MDGA2: variants seen among roughly 807,000 people sequenced by gnomAD.
MDGA2 encodes MAM domain-containing glycosylphosphatidylinositol anchor protein 2.
A neutral mutation model predicts 117.8 loss-of-function variants in MDGA2; 40 were observed. That is an observed-to-expected ratio of 0.34 (90% confidence interval 0.26 to 0.44). The LOEUF (loss-of-function observed/expected upper bound fraction) is 0.44. MDGA2 is among the 20% of genes least tolerant of loss of function. The probability of loss-of-function intolerance (pLI) is 1.00; values close to 1 mark genes in which losing one functional copy is unlikely to be tolerated. For missense variants in MDGA2, 1,123 were observed against 1,250.6 expected (o/e 0.90, Z 1.54); for synonymous variants, 452 against 439.0 (o/e 1.03, Z -0.37).
intron 1 of MDGA2, among the ~76,000 whole-genome samples, chr14:47,505,702 T>C (rs914032025): frequency 1.3e-5 from 2 of 152,204 alleles, no homozygotes; most frequent in African/African-American, 4.8e-5. Context: ...CTGCCATTTC[T>C]TGCAACATTA....
chr14:47,642,377 G>A (rs963258833), intron 1 of MDGA2, among the ~76,000 whole-genome samples: 5 of 152,034 alleles, frequency 3.3e-5, no homozygotes, highest in Non-Finnish European at 7.4e-5. Context: ...TACATTTTAA[G>A]ACAATAAAGT....
intron 5 of MDGA2, among the ~76,000 whole-genome samples, chr14:47,114,632 C>G (rs1881223056): frequency 6.6e-6 from 1 of 152,112 alleles, no homozygotes; most frequent in South Asian, 2.1e-4. Flanking sequence ...CTACAACCAT[C>G]TGATCTTCGA....
chr14:47,364,859 T>A (rs1249839749), intron 1 of MDGA2, among the ~76,000 whole-genome samples: 1 of 152,198 alleles, frequency 6.6e-6, no homozygotes. Flanking sequence ...TTTTCCCCCA[T>A]AAACAACATG....
chr14:47,177,616 C>T (rs1340852619), intron 3 of MDGA2, among the ~76,000 whole-genome samples: 1 of 152,062 alleles, frequency 6.6e-6, no homozygotes, highest in East Asian at 1.9e-4. Flanking sequence ...CACATGGACA[C>T]AGGAAGGGGA....
At chr14:47,624,619 GTT>G (rs1272941146) in intron 1 of MDGA2, among the ~76,000 whole-genome samples, 1 of 151,946 alleles carries the variant, frequency 6.6e-6, no homozygotes, top group Non-Finnish European at 1.5e-5. Context: ...TATCTAATCA[GTT>G]TTTTTTAAGC....
At chr14:47,092,309 A>T (rs1317544622) in intron 6 of MDGA2, among the ~76,000 whole-genome samples, 1 of 152,168 alleles carries the variant, frequency 6.6e-6, no homozygotes, top group Non-Finnish European at 1.5e-5. Context: ...CATTTTTGTA[A>T]AACTAGATGA....
At chr14:46,845,968 A>T in intron 15 of MDGA2, 97 bp from the exon 16 acceptor site, 1 of 824,206 alleles carries the variant, frequency 1.2e-6, no homozygotes. Flanking sequence ...CTTGTCAGTA[A>T]TCCTGGCATC....
chr14:47,233,712 A>C (rs981708286), intron 2 of MDGA2, among the ~76,000 whole-genome samples: 3 of 152,176 alleles, frequency 2.0e-5, no homozygotes, highest in African/African-American at 2.4e-5. Flanking sequence ...TACAGTTTAT[A>C]AAAGAAACCA....
intron 5 of MDGA2, among the ~76,000 whole-genome samples, chr14:47,129,201 C>T (rs973715098): frequency 1.3e-5 from 2 of 151,720 alleles, no homozygotes; most frequent in Admixed American, 6.6e-5. Flanking sequence ...CCCACTAACT[C>T]GTCATCTAGC....
At chr14:47,081,986 A>C (rs879270088) in intron 6 of MDGA2, among the ~76,000 whole-genome samples, 7 of 152,098 alleles carry the variant, frequency 4.6e-5, no homozygotes, top group Non-Finnish European at 1.0e-4. Flanking sequence ...AAGCTCCTTT[A>C]ACTATAGATG....
At chr14:47,273,666 T>A (rs56097303) in intron 2 of MDGA2, among the ~76,000 whole-genome samples, 1 of 152,068 alleles carries the variant, frequency 6.6e-6, no homozygotes, top group African/African-American at 2.4e-5. Flanking sequence ...TTAAAATTTA[T>A]ATTTATTTTC....
At chr14:47,307,020 C>G (rs1014682779) in intron 1 of MDGA2, among the ~76,000 whole-genome samples, 1 of 152,132 alleles carries the variant, frequency 6.6e-6, no homozygotes, top group Non-Finnish European at 1.5e-5. Context: ...TTCTTCCCAG[C>G]TTTCTATTGA....
At position 47,218,107 on chromosome 14, in the gene MDGA2, T is replaced by C; in HGVS notation, c.509A>G (p.Gln170Arg). The C allele has an allele frequency of 6.4e-7, 1 of 1,551,436 alleles. No homozygotes were observed. Among genetic ancestry groups the C allele is most frequent in the South Asian group, 1.2e-5 (1 of 84,050 alleles). The change falls in exon 3 of 17, where the codon CAG (glutamine) becomes CGG (arginine). Residue 170 changes from glutamine (Q) to arginine (R), a missense_variant. Coordinates refer to ENST00000399232, the MANE Select transcript of MDGA2 (RefSeq NM_001113498.3). ...FNETLRITNI[Q>R]RHQGGRYYCK... Reference sequence around the variant, plus strand: ...GTAATACCGGCCTCCTTGGTGTCGCTGAATATTTGTAATCCTCAAAGTCTC... The same window carrying C: ...GTAATACCGGCCTCCTTGGTGTCGCCGAATATTTGTAATCCTCAAAGTCTC...
At chr14:47,638,779 T>G (rs557299503) in intron 1 of MDGA2, among the ~76,000 whole-genome samples, 1 of 152,164 alleles carries the variant, frequency 6.6e-6, no homozygotes, top group South Asian at 2.1e-4. Flanking sequence ...TCTTTACCCA[T>G]GCACCAAAGC....
At chr14:47,141,877 C>T (rs1009693682) in intron 4 of MDGA2, among the ~76,000 whole-genome samples, 2 of 152,080 alleles carry the variant, frequency 1.3e-5, no homozygotes. Context: ...TCTGAATGTT[C>T]TCACCATGAA....
chr14:47,422,801 C>T (rs1466080795), intron 1 of MDGA2, among the ~76,000 whole-genome samples: 1 of 152,138 alleles, frequency 6.6e-6, no homozygotes, highest in Non-Finnish European at 1.5e-5. Flanking sequence ...ATACATGTCT[C>T]TTCTGTGTCA....
At chr14:46,861,370 G>A (rs1881500856) in intron 14 of MDGA2, among the ~76,000 whole-genome samples, 1 of 151,430 alleles carries the variant, frequency 6.6e-6, no homozygotes, top group Non-Finnish European at 1.5e-5. Context: ...TCTCACTAAG[G>A]GAATTCTGTT....
chr14:47,266,725 C>T (rs1287334024), intron 2 of MDGA2, among the ~76,000 whole-genome samples: 2 of 152,180 alleles, frequency 1.3e-5, no homozygotes, highest in African/African-American at 2.4e-5. Context: ...GCTCTCACCA[C>T]TTAGCTTTCT....
intron 1 of MDGA2, among the ~76,000 whole-genome samples, chr14:47,353,040 C>A (rs1890918694): frequency 6.6e-6 from 1 of 152,002 alleles, no homozygotes; most frequent in African/African-American, 2.4e-5. Context: ...AAGGATGAGG[C>A]AACATTAATT....
Sources: allele counts gnomAD v4.1 joint callset (sites outside exome capture counted in the v4.1 genomes callset), GRCh38; gene constraint gnomAD v4.1.1; transcripts MANE v1.5; gene names NCBI Gene and HGNC (gene_info 2026-07-23, HGNC 2026-07-21).